Variants in LRRC27 observed in about 807,000 individuals in gnomAD.
The protein encoded by LRRC27 is leucine rich repeat containing 27, also known as leucine-rich repeat-containing protein 27.
LRRC27 carries 57 observed loss-of-function variants against 55.0 expected under a neutral mutation model. That is an observed-to-expected ratio of 1.04 (90% CI 0.84 to 1.29). LRRC27 has a LOEUF of 1.29. Among genes scored for constraint, LRRC27 ranks in the 50% most tolerant of loss-of-function variants. The pLI is 0.00. For missense variants in LRRC27, 721 were observed against 651.5 expected, an observed-to-expected ratio of 1.11 and a Z score of -1.16; for synonymous variants, 278 against 251.9, an observed-to-expected ratio of 1.10 and a Z score of -0.98.
At chr10:132,349,257 G>A (rs2067886571) in intron 6 of LRRC27, among the ~76,000 whole-genome samples, 1 of 152,184 alleles carries the variant, frequency 6.6e-6, no homozygotes, top group Non-Finnish European at 1.5e-5. Flanking sequence ...GTGGTCTGTG[G>A]TCCCTCAGGC....
At chr10:132,347,290 G>A (rs1400038163) in intron 5 of LRRC27, among the ~76,000 whole-genome samples, 1 of 152,008 alleles carries the variant, frequency 6.6e-6, no homozygotes, top group South Asian at 2.1e-4. Context: ...GGTGGGGCCT[G>A]TGTGAGAGGG....
chr10:132,369,311 C>G (rs2069163272), intron 10 of LRRC27, among the ~76,000 whole-genome samples: 1 of 152,254 alleles, frequency 6.6e-6, no homozygotes, highest in Admixed American at 6.5e-5. Flanking sequence ...ACACCAAAAC[C>G]TGCACACAGA....
At chr10:132,334,635 G>C (rs2067029027) in intron 2 of LRRC27, among the ~76,000 whole-genome samples, 3 of 152,202 alleles carry the variant, frequency 2.0e-5, no homozygotes, top group Admixed American at 6.5e-5. Flanking sequence ...TGTCTTTGCT[G>C]TCACGGCAGC....
chr10:132,356,875 C>G (rs192300901), intron 8 of LRRC27, among the ~76,000 whole-genome samples: 43 of 152,364 alleles, frequency 2.8e-4, no homozygotes, highest in African/African-American at 1.0e-3. Flanking sequence ...ATAGATGTTT[C>G]TTTGGTGCTT....
chr10:132,361,542 A>G lies in LRRC27; in HGVS notation c.1256A>G (p.Lys419Arg). The G allele has an allele frequency of 6.2e-7, 1 of 1,613,812 alleles. No individual in the cohort carries two copies. The highest frequency in any genetic ancestry group is 8.5e-7 in the Non-Finnish European group (1 of 1,179,912). Reference protein sequence around the residue: ...LNPPGKMKPSKEKSPQASKEM... With the variant: ...LNPPGKMKPSREKSPQASKEM... ...CCGCCTGGAAAAATGAAACCAAGCA[A>G]AGAGAAATCGCCACAAGCAAGTAAA... is the stretch of plus-strand genomic sequence containing the variant. Residue 419 changes from lysine (K) to arginine (R), a missense_variant, in exon 9 of 11, where the codon AAA (lysine) becomes AGA (arginine). Physicochemically the swap from Lys to Arg is conservative, Grantham distance 26. Transcript: ENST00000368614.
At chr10:132,351,462 T>G in intron 6 of LRRC27, 145 bp from the exon 7 acceptor site, 1 of 894,404 alleles carries the variant, frequency 1.1e-6, no homozygotes, top group Non-Finnish European at 1.8e-6. Context: ...AAGACTGGAC[T>G]CTGGGGTGAC....
chr10:132,349,950 G>A (rs535970389), intron 6 of LRRC27, among the ~76,000 whole-genome samples: 5 of 152,316 alleles, frequency 3.3e-5, no homozygotes, highest in African/African-American at 9.6e-5. Context: ...TCAGGTTGTC[G>A]TGGGGTCACA....
At chr10:132,352,766 G>T (rs1247694421) in intron 7 of LRRC27, 1 of 1,150,052 alleles carries the variant, frequency 8.7e-7, no homozygotes, top group African/African-American at 1.5e-5. Context: ...GCCTCCCTGT[G>T]GGACAGGCCG....
Position 132,333,598 on chromosome 10 carries a change from G to A in LRRC27, c.74G>A (p.Arg25Lys). 1.2e-6 allele frequency: 2 copies of A among 1,612,626 alleles called. No individual in the cohort carries two copies. The highest frequency in any genetic ancestry group is 8.5e-7 in the Non-Finnish European group (1 of 1,180,012). ...ADLEEGAGQT[R>K]SLPATPSKDV... is the part of the protein sequence containing the mutation. The stretch of plus-strand genomic sequence containing the variant: ...CTGGAGGAGGGTGCTGGTCAGACTA[G>A]GAGCTTGCCTGCCACCCCCTCCAAA... The change falls in exon 2 of 11, where the codon AGG becomes AAG. Residue 25 changes from arginine (R) to lysine (K), a missense_variant. By Grantham distance (26) the Arg-to-Lys change is conservative. Transcript: ENST00000368614.
chr10:132,345,542 C>T (rs1009088903), intron 5 of LRRC27, among the ~76,000 whole-genome samples: 6 of 152,198 alleles, frequency 3.9e-5, no homozygotes, highest in Admixed American at 2.0e-4. Flanking sequence ...TGGGGCATTG[C>T]GCTGAAGCCG....
upstream of LRRC27, chr10:132,331,802 G>T (rs762276894): frequency 1.3e-6 from 2 of 1,597,012 alleles, no homozygotes; most frequent in South Asian, 2.2e-5. Context: ...GTCTCTACTT[G>T]CCCGTCGACC....
chr10:132,360,669 C>T (rs938963808), intron 8 of LRRC27, among the ~76,000 whole-genome samples: 31 of 152,194 alleles, frequency 2.0e-4, no homozygotes, highest in African/African-American at 5.8e-4. Context: ...ACAAAGGCCC[C>T]GGCCTGGAAA....
intron 10 of LRRC27, chr10:132,366,819 C>A: frequency 8.0e-7 from 1 of 1,256,624 alleles, no homozygotes; most frequent in African/African-American, 1.5e-5. Flanking sequence ...CCATTCCCAC[C>A]ATTTCCGCTG....
intron 5 of LRRC27, among the ~76,000 whole-genome samples, chr10:132,345,436 T>C (rs4612718): frequency 0.13 from 19,157 of 152,166 alleles, 1,397 homozygotes; most frequent in East Asian, 0.35. Flanking sequence ...ATGGACTCTA[T>C]TTGGAAATTG....
chr10:132,364,238 G>A (rs1237814268), intron 9 of LRRC27, among the ~76,000 whole-genome samples: 1 of 151,758 alleles, frequency 6.6e-6, no homozygotes, highest in Admixed American at 6.6e-5. Context: ...GGGAGTAAGA[G>A]GGTCTTCGGA....
At chr10:132,347,469 CAT>C (rs1244805828) in intron 5 of LRRC27, among the ~76,000 whole-genome samples, 22 of 147,120 alleles carry the variant, frequency 1.5e-4, no homozygotes, top group East Asian at 1.0e-3. Context: ...GGGAAGGTCA[CAT>C]GTGTCCTGTG....
At chr10:132,366,038 G>T (rs917385960) in intron 10 of LRRC27, among the ~76,000 whole-genome samples, 2 of 152,256 alleles carry the variant, frequency 1.3e-5, no homozygotes, top group Admixed American at 1.3e-4. Context: ...CATTTCAGCC[G>T]AGGGGCTGAG....
At chr10:132,360,040 A>G (rs1477944148) in intron 8 of LRRC27, among the ~76,000 whole-genome samples, 1 of 152,222 alleles carries the variant, frequency 6.6e-6, no homozygotes, top group East Asian at 1.9e-4. Context: ...CTCCAAATAC[A>G]TACTTTTAAT....
upstream of LRRC27, chr10:132,331,871 G>T: frequency 7.8e-7 from 1 of 1,280,370 alleles, no homozygotes; most frequent in Non-Finnish European, 1.1e-6. Flanking sequence ...CCGCGTGCGT[G>T]CGCAGGCGCA....
Sources: gnomAD v4.1 joint callset for allele counts (sites outside exome capture counted in the v4.1 genomes callset) on GRCh38, gnomAD v4.1.1 for gene constraint, MANE v1.5 for transcripts, NCBI Gene and HGNC (gene_info 2026-07-23, HGNC 2026-07-21) for gene names.